The following DRC11 variants were observed in gnomAD, a reference collection of about 807,000 sequenced individuals.
DRC11 encodes dynein regulatory complex subunit 11.
the DRC11 span, chr2:236,367,836 C>T: frequency 6.4e-6 from 2 of 312,312 alleles, no homozygotes; most frequent in Non-Finnish European, 1.2e-5. The surrounding 1 kb of genome is among the most constrained non-coding windows in gnomAD (Gnocchi z 4.8). Flanking sequence ...TGTTTAGGAC[C>T]TAGTAATAGG....
the DRC11 span, among the ~76,000 whole-genome samples, chr2:236,491,246 GTA>G: frequency 0.012 from 283 of 23,688 alleles, 12 homozygotes; most frequent in Non-Finnish European, 0.019. Context: ...TATATACACA[GTA>G]TATATATATA....
At chr2:236,466,024 T>G in the DRC11 span, among the ~76,000 whole-genome samples, 1 of 152,126 alleles carries the variant, frequency 6.6e-6, no homozygotes, top group Admixed American at 6.5e-5. Flanking sequence ...AAAGAAAAAT[T>G]TTATTCATTG....
At chr2:236,404,228 G>A in the DRC11 span, among the ~76,000 whole-genome samples, 1 of 151,668 alleles carries the variant, frequency 6.6e-6, no homozygotes, top group Non-Finnish European at 1.5e-5. Flanking sequence ...AAAATCCAAT[G>A]CCCCAGCTCT....
At chr2:236,362,798 C>T in the DRC11 span, among the ~76,000 whole-genome samples, 1 of 152,102 alleles carries the variant, frequency 6.6e-6, no homozygotes, top group Non-Finnish European at 1.5e-5. The surrounding 1 kb of genome is among the most constrained non-coding windows in gnomAD (Gnocchi z 5.7). Context: ...CTACAGTTTC[C>T]TCTCTGAACG....
At chr2:236,484,196 G>A in the DRC11 span, among the ~76,000 whole-genome samples, 12 of 152,064 alleles carry the variant, frequency 7.9e-5, no homozygotes, top group African/African-American at 2.9e-4. Flanking sequence ...CCCGATTTTT[G>A]TCCTACCTGA....
the DRC11 span, chr2:236,392,407 T>C: frequency 2.2e-6 from 2 of 928,088 alleles, no homozygotes. The surrounding 1 kb of genome is among the most constrained non-coding windows in gnomAD (Gnocchi z 5.1). Context: ...AAGATATAGG[T>C]TAATGAAATT....
At chr2:236,308,060 C>T in the DRC11 span, among the ~76,000 whole-genome samples, 3 of 152,100 alleles carry the variant, frequency 2.0e-5, no homozygotes, top group East Asian at 1.9e-4. This position sits in a 1 kb window ranked among gnomAD's most constrained non-coding sequence, Gnocchi z 6.0. Context: ...CTTGCAGTGA[C>T]GCAGGCGTCC....
chr2:236,436,956 T>A, the DRC11 span, among the ~76,000 whole-genome samples: 2 of 152,132 alleles, frequency 1.3e-5, no homozygotes, highest in Non-Finnish European at 2.9e-5. Context: ...TTATTATTAT[T>A]ATACTTTAAA....
the DRC11 span, among the ~76,000 whole-genome samples, chr2:236,459,661 A>ACG: frequency 1.9e-5 from 2 of 107,340 alleles, no homozygotes; most frequent in African/African-American, 6.2e-5. Context: ...ATGTATATAC[A>ACG]TACGTATATA....
the DRC11 span, among the ~76,000 whole-genome samples, chr2:236,442,645 C>T: frequency 1.5e-4 from 23 of 152,242 alleles, no homozygotes; most frequent in African/African-American, 4.8e-4. Flanking sequence ...CACTGGAAAA[C>T]GATGCTTTGC....
the DRC11 span, among the ~76,000 whole-genome samples, chr2:236,491,143 TATATATATAC>T: frequency 1.2e-5 from 1 of 86,554 alleles, no homozygotes; most frequent in South Asian, 3.3e-4. Context: ...ATATATACAG[TATATATATAC>T]ACACAGTATA....
chr2:236,434,164 G>C, the DRC11 span, among the ~76,000 whole-genome samples: 11 of 152,158 alleles, frequency 7.2e-5, no homozygotes, highest in Non-Finnish European at 1.2e-4. This position sits in a 1 kb window ranked among gnomAD's most constrained non-coding sequence, Gnocchi z 5.5. Flanking sequence ...TAACACGTTA[G>C]TTAAAATGTT....
the DRC11 span, among the ~76,000 whole-genome samples, chr2:236,358,148 G>GA: frequency 8.4e-6 from 1 of 118,486 alleles, no homozygotes; most frequent in Non-Finnish European, 1.6e-5. Flanking sequence ...TATATAAATA[G>GA]ATATATACTA....
chr2:236,484,846 G>A, the DRC11 span, among the ~76,000 whole-genome samples: 4 of 152,110 alleles, frequency 2.6e-5, no homozygotes, highest in African/African-American at 7.2e-5. Context: ...TGCTGTAGGC[G>A]GAAACTCCCC....
chr2:236,463,436 C>G, the DRC11 span, among the ~76,000 whole-genome samples: 1 of 152,030 alleles, frequency 6.6e-6, no homozygotes, highest in Non-Finnish European at 1.5e-5. The surrounding 1 kb of genome is among the most constrained non-coding windows in gnomAD (Gnocchi z 5.0). Flanking sequence ...TAAAATATAC[C>G]TGATAAATAA....
At chr2:236,421,638 G>T in the DRC11 span, among the ~76,000 whole-genome samples, 1 of 152,172 alleles carries the variant, frequency 6.6e-6, no homozygotes, top group African/African-American at 2.4e-5. Context: ...GGTACAAGGA[G>T]GAGCTGGTAC....
chr2:236,373,563 T>A, the DRC11 span, among the ~76,000 whole-genome samples: 1 of 152,238 alleles, frequency 6.6e-6, no homozygotes. Flanking sequence ...TTACTGTATA[T>A]TAACCTGTTT....
the DRC11 span, among the ~76,000 whole-genome samples, chr2:236,361,090 C>T: frequency 6.6e-6 from 1 of 151,982 alleles, no homozygotes; most frequent in African/African-American, 2.4e-5. This position sits in a 1 kb window ranked among gnomAD's most constrained non-coding sequence, Gnocchi z 5.7. Flanking sequence ...TTGAAATGAG[C>T]ACATAAGGAC....
chr2:236,445,370 T>C, the DRC11 span, among the ~76,000 whole-genome samples: 3 of 152,172 alleles, frequency 2.0e-5, no homozygotes, highest in East Asian at 5.8e-4. This position sits in a 1 kb window ranked among gnomAD's most constrained non-coding sequence, Gnocchi z 4.8. Context: ...TCTTGCTCTG[T>C]CGCCCAGGCT....
Sources: gnomAD v4.1 joint callset for allele counts (sites outside exome capture counted in the v4.1 genomes callset) on GRCh38, gnomAD v4.1.1 for gene constraint, Gnocchi (gnomAD v3.1) non-coding constraint, MANE v1.5 for transcripts, NCBI Gene and HGNC (gene_info 2026-07-23, HGNC 2026-07-21) for gene names.